Variants in WIPF3 observed in about 807,000 individuals in gnomAD.
The protein encoded by WIPF3 is WAS/WASL-interacting protein family member 3.
In WIPF3, 33 loss-of-function variants were observed where a neutral mutation model predicts 38.9. That is an observed-to-expected ratio of 0.85 (90% confidence interval 0.64 to 1.14). WIPF3 has a LOEUF of 1.14. Among genes scored for constraint, WIPF3 ranks in the 50% most tolerant of loss-of-function variants. The probability of loss-of-function intolerance (pLI) is 0.00; values close to 1 mark genes in which losing one functional copy is unlikely to be tolerated. For missense variants in WIPF3, 711 were observed against 652.5 expected (o/e 1.09, Z -0.98); for synonymous variants, 324 against 269.3 (o/e 1.20, Z -1.99).
intron 1 of WIPF3, among the ~76,000 whole-genome samples, chr7:29,814,755 A>T (rs1784431052): frequency 6.6e-6 from 1 of 152,244 alleles, no homozygotes; most frequent in South Asian, 2.1e-4. Context: ...AGTGTAGGGA[A>T]TATGCTCAGT....
At chr7:29,890,997 T>C (rs1470278665) in intron 7 of WIPF3, among the ~76,000 whole-genome samples, 1 of 127,258 alleles carries the variant, frequency 7.9e-6, no homozygotes, top group African/African-American at 3.1e-5. Context: ...GCCTGCCCTG[T>C]GCTCAGGTGG....
chr7:29,888,500 C>CGT lies in WIPF3; in HGVS notation c.1249+291_1249+292dup, dbSNP rs756243450. Among the ~76,000 whole-genome samples the CGT allele has an allele frequency of 1.3e-3, 177 of 138,780 alleles. 1 individual carries two copies. Among genetic ancestry groups the CGT allele is most frequent in the African/African-American group, 4.1e-3 (149 of 36,790 alleles). 91.0% of individuals were successfully genotyped at this position (138,780 alleles called of 152,430 possible). A position where few individuals can be genotyped will look rare whatever the true frequency, so the allele number is the denominator to read the frequency against. ...AACTGTGTGAGTGTGTGTGCGTGTG[C>CGT]GTGTGTGTGCGTGTGTGTGTGTGTG... On this transcript the variant is annotated intron_variant, in intron 6 of 8. Transcript: ENST00000242140.
At chr7:29,886,511 C>A (rs1785885549) in intron 5 of WIPF3, among the ~76,000 whole-genome samples, 1 of 151,960 alleles carries the variant, frequency 6.6e-6, no homozygotes, top group Non-Finnish European at 1.5e-5. Flanking sequence ...CGTGCACCAC[C>A]ACACCTGGCT....
intron 1 of WIPF3, among the ~76,000 whole-genome samples, chr7:29,814,924 C>T (rs1025851190): frequency 2.6e-5 from 4 of 152,088 alleles, no homozygotes; most frequent in Admixed American, 1.3e-4. Flanking sequence ...AAGTTATTAC[C>T]GCCCTATTAG....
At chr7:29,860,710 G>C (rs1301734514) in intron 2 of WIPF3, among the ~76,000 whole-genome samples, 2 of 152,200 alleles carry the variant, frequency 1.3e-5, no homozygotes, top group African/African-American at 4.8e-5. Context: ...GTATGGGTGA[G>C]AAGTAAAGAG....
At chr7:29,846,354 G>A (rs1328496479) in intron 2 of WIPF3, among the ~76,000 whole-genome samples, 2 of 152,192 alleles carry the variant, frequency 1.3e-5, no homozygotes, top group Non-Finnish European at 2.9e-5. Context: ...GAGTCTGAAT[G>A]TGTTTTCAAG....
intron 1 of WIPF3, among the ~76,000 whole-genome samples, chr7:29,819,499 T>C (rs1320705747): frequency 6.6e-6 from 1 of 152,122 alleles, no homozygotes; most frequent in African/African-American, 2.4e-5. Context: ...ATTTAAACAT[T>C]TATCTTTTTC....
intron 1 of WIPF3, among the ~76,000 whole-genome samples, chr7:29,821,976 A>G (rs1025703334): frequency 5.3e-5 from 8 of 152,024 alleles, no homozygotes; most frequent in African/African-American, 1.7e-4. Flanking sequence ...TCCTTGTTTT[A>G]AAGGGTTAAT....
In WIPF3 at chr7:29,844,939, A is replaced by G. The variant is rs1369526269; in HGVS notation, c.90+10125A>G. On this transcript the variant is annotated intron_variant, in intron 2 of 8. Coordinates refer to ENST00000242140, the MANE Select transcript of WIPF3 (RefSeq NM_001080529.3). This position sits in a 1 kb window ranked among gnomAD's most constrained non-coding sequence, Gnocchi z 4.8. ...TTACTTCTACTTCTCTCAATCTAAA[A>G]GCCAGGAAGTCAATGGATTCGGCTC... 1.3e-5 allele frequency among the ~76,000 whole-genome samples: 2 copies of G among 151,894 alleles called. No individual in the cohort carries two copies. Among genetic ancestry groups the G allele is most frequent in the Non-Finnish European group, 2.9e-5 (2 of 68,000 alleles).
intron 1 of WIPF3, among the ~76,000 whole-genome samples, chr7:29,829,515 G>GA (rs1385260740): frequency 1.3e-5 from 2 of 152,096 alleles, no homozygotes; most frequent in East Asian, 1.9e-4. Flanking sequence ...CACCGTGCCT[G>GA]AATTGACTCC....
At chr7:29,831,671 G>A (rs1282042509) in intron 1 of WIPF3, among the ~76,000 whole-genome samples, 1 of 152,208 alleles carries the variant, frequency 6.6e-6, no homozygotes, top group Non-Finnish European at 1.5e-5. Flanking sequence ...CATATGTAAA[G>A]TCTAATCAGG....
At chr7:29,904,063 G>T (rs1786342470) in intron 7 of WIPF3, among the ~76,000 whole-genome samples, 1 of 152,162 alleles carries the variant, frequency 6.6e-6, no homozygotes, top group South Asian at 2.1e-4. Context: ...GCATTTATTT[G>T]ATGGGCCTTA....
intron 2 of WIPF3, among the ~76,000 whole-genome samples, chr7:29,870,561 C>A (rs533756645): frequency 6.6e-6 from 1 of 152,172 alleles, no homozygotes; most frequent in East Asian, 1.9e-4. Flanking sequence ...AGATAGTAAC[C>A]AAGTTATGAA....
At chr7:29,886,482 G>A (rs921347238) in intron 5 of WIPF3, among the ~76,000 whole-genome samples, 1 of 148,970 alleles carries the variant, frequency 6.7e-6, no homozygotes, top group African/African-American at 2.5e-5. Flanking sequence ...TCAACCTTCC[G>A]AGTAGCTGAG....
In WIPF3 at chr7:29,904,423, A is replaced by G. The variant is rs1254797605; in HGVS notation, c.1428+61A>G. The G allele has an allele frequency of 3.3e-6, 5 of 1,526,904 alleles. No individual in the cohort carries two copies. In the African/African-American group the frequency reaches 4.1e-5, roughly 13 times the overall value. 94.6% of individuals were successfully genotyped at this position (1,526,904 alleles called of 1,614,324 possible). ...GGAATTCTCCTCAGGAGGCACAGAA[A>G]TGGTAAGGGTATGCTTTCTCCTAAA... On this transcript the variant is annotated intron_variant, in intron 8 of 8. Transcript: ENST00000242140.
chr7:29,841,294 C>G (rs759203786), intron 2 of WIPF3, among the ~76,000 whole-genome samples: 93 of 152,154 alleles, frequency 6.1e-4, no homozygotes, highest in Non-Finnish European at 1.2e-4. Flanking sequence ...TTAGTTTCAG[C>G]CTTCTACCTC....
At chr7:29,826,504 A>G (rs1784618380) in intron 1 of WIPF3, among the ~76,000 whole-genome samples, 1 of 152,198 alleles carries the variant, frequency 6.6e-6, no homozygotes, top group African/African-American at 2.4e-5. Flanking sequence ...ACTGGAGATG[A>G]GTTCAGAGAG....
intron 7 of WIPF3, among the ~76,000 whole-genome samples, chr7:29,903,567 G>C (rs1413911347): frequency 6.6e-6 from 1 of 152,168 alleles, no homozygotes; most frequent in African/African-American, 2.4e-5. Flanking sequence ...CAGTGCAACA[G>C]AGGAAACACC....
intron 1 of WIPF3, among the ~76,000 whole-genome samples, chr7:29,829,826 A>G (rs570542549): frequency 6.6e-6 from 1 of 152,176 alleles, no homozygotes; most frequent in South Asian, 2.1e-4. Flanking sequence ...TGTTTCCCTC[A>G]CCACCCTCTA....
Sources: allele counts gnomAD v4.1 joint callset (sites outside exome capture counted in the v4.1 genomes callset), GRCh38; gene constraint gnomAD v4.1.1; non-coding constraint Gnocchi (gnomAD v3.1); transcripts MANE v1.5; gene names NCBI Gene and HGNC (gene_info 2026-07-23, HGNC 2026-07-21).